The following ZNF7 variants were observed in gnomAD, a reference collection of about 807,000 sequenced individuals.
The protein encoded by ZNF7 is zinc finger protein 7, also known as C2-H2 type zinc finger protein.
In ZNF7, 10 loss-of-function variants were observed where a neutral mutation model predicts 12.0. That is an observed-to-expected ratio of 0.83 (90% CI 0.51 to 1.42). The LOEUF (loss-of-function observed/expected upper bound fraction) is 1.42, where lower values mean the gene tolerates loss of function less well. Ranked by LOEUF, ZNF7 falls within the 40% of genes most tolerant of loss-of-function variation. ZNF7 has a pLI of 0.00. For synonymous variants in ZNF7, 334 were observed against 295.0 expected (o/e 1.13, Z -1.35); for missense variants, 854 against 837.2 (o/e 1.02, Z -0.25).
In ZNF7 at chr8:144,843,404, A is replaced by C. The variant is rs1830244137; in HGVS notation, c.*236A>C. The C allele has an allele frequency of 2.4e-6, 1 of 417,684 alleles. No homozygotes were observed. Among genetic ancestry groups the C allele is most frequent in the Admixed American group, 4.1e-5 (1 of 24,136 alleles). The allele number at this position is 417,684 out of a possible 1,614,324, so 25.9% of individuals were successfully genotyped here. A position where few individuals can be genotyped will look rare whatever the true frequency, so the allele number is the denominator to read the frequency against. ...GGAGGTTGAGACCATCCTGGGTAAC[A>C]GGTGAAACCCCATCTCTACTAAAAA... On this transcript the variant is annotated 3_prime_UTR_variant, in exon 5 of 5. Coordinates refer to ENST00000532777, the MANE Select transcript of ZNF7 (RefSeq NM_003416.4).
At chr8:144,831,706 C>T (rs1318066435) in intron 3 of ZNF7, among the ~76,000 whole-genome samples, 1 of 64,952 alleles carries the variant, frequency 1.5e-5, no homozygotes, top group African/African-American at 4.0e-5. Context: ...TCGCTTGAAC[C>T]CTGGAGGCGG....
chr8:144,829,239 C>A, intron 2 of ZNF7, 149 bp downstream of exon 2: 2 of 1,546,466 alleles, frequency 1.3e-6, no homozygotes, highest in Non-Finnish European at 1.7e-6. Flanking sequence ...AGTGAGCAAA[C>A]CCCTGCCCAA....
downstream of ZNF7, chr8:144,846,605 A>T (rs1270323220): frequency 1.2e-5 from 2 of 169,790 alleles, no homozygotes; most frequent in African/African-American, 4.8e-5. Flanking sequence ...ATGTCACGGT[A>T]CAACTGAGAA....
chr8:144,842,977 C>T lies in ZNF7; in HGVS notation c.1870C>T (p.Arg624Cys), dbSNP rs138064022. ...NALEGSTFVS[R>C]KKVNTIKKLH... is the part of the protein sequence containing the mutation. ...CCTGGAAGGGTCCACCTTTGTGAGC[C>T]GTAAAAAGGTTAATACTATAAAGAA... Residue 624 changes from arginine to cysteine, a missense_variant, in exon 5 of 5, where the codon CGT becomes TGT. Arg to Cys is a radical substitution (Grantham distance 180). Transcript: ENST00000532777. 7.6e-5 allele frequency: 122 copies of T among 1,613,948 alleles called. No individual in the cohort carries two copies. Among genetic ancestry groups the T allele is most frequent in the Admixed American group, 1.2e-4 (7 of 59,992 alleles).
At chr8:144,838,353 C>G in intron 4 of ZNF7, 1 of 567,628 alleles carries the variant, frequency 1.8e-6, no homozygotes, top group South Asian at 2.2e-5. Flanking sequence ...GGACTTCAGC[C>G]TATCTTGGGG....
chr8:144,837,141 C>T, intron 3 of ZNF7: 1 of 341,398 alleles, frequency 2.9e-6, no homozygotes, highest in Non-Finnish European at 5.4e-6. Context: ...TGTTTGGTGA[C>T]AGGGTCGCCT....
chr8:144,843,743 A>C lies in ZNF7; in HGVS notation c.*575A>C, dbSNP rs1355556605. 2 of 149,546 alleles carry C rather than the reference A, an allele frequency of 1.3e-5. No homozygotes were observed. Among genetic ancestry groups the C allele is most frequent in the African/African-American group, 4.8e-5 (2 of 41,314 alleles). The allele number at this position is 149,546 out of a possible 1,614,324, so 9.3% of individuals were successfully genotyped here. On this transcript the variant is annotated 3_prime_UTR_variant, in exon 5 of 5. Coordinates refer to ENST00000532777, the MANE Select transcript of ZNF7 (RefSeq NM_003416.4). ...GACAGGTCCCTGTGAATGAGGAAGC[A>C]GCACAAGGAGGGCTCTACGAGCGCT...
chr8:144,839,321 C>G (rs1041714328), intron 4 of ZNF7, among the ~76,000 whole-genome samples: 2 of 152,268 alleles, frequency 1.3e-5, no homozygotes, highest in Non-Finnish European at 2.9e-5. Context: ...AGGAAGTCTG[C>G]ATGTGATGTG....
rs1345955700 is a variant in ZNF7, at chr8:144,842,195, C to T, written c.1088C>T (p.Pro363Leu). ...ACTCACACTGGGGAGAGGCCCTACC[C>T]TTGCAAGGAGTGTGGGAAGGCCTTC... The part of the protein sequence containing the change: ...QRTHTGERPY[P>L]CKECGKAFSQ... The change falls in exon 5 of 5, where the codon CCT becomes CTT. Residue 363 changes from proline (P) to leucine (L), a missense_variant. By Grantham distance (98) the Pro-to-Leu change is moderately conservative. Coordinates refer to ENST00000532777, the MANE Select transcript of ZNF7 (RefSeq NM_003416.4). 4.3e-6 allele frequency: 7 copies of T among 1,613,364 alleles called. No individual in the cohort carries two copies. The highest frequency in any genetic ancestry group is 5.9e-6 in the Non-Finnish European group (7 of 1,179,830).
intron 3 of ZNF7, among the ~76,000 whole-genome samples, chr8:144,832,598 G>C (rs2130567832): frequency 6.6e-6 from 1 of 151,410 alleles, no homozygotes; most frequent in Admixed American, 6.6e-5. Flanking sequence ...CGTGGTGGCG[G>C]GTGGTTGTAA....
downstream of ZNF7, chr8:144,846,463 T>C (rs1830516277): frequency 3.1e-6 from 1 of 321,844 alleles, no homozygotes; most frequent in Non-Finnish European, 5.8e-6. Context: ...TCATGGAGCC[T>C]CTGGCGGCTT....
chr8:144,838,415 G>A, intron 4 of ZNF7: 1 of 442,362 alleles, frequency 2.3e-6, no homozygotes, highest in Non-Finnish European at 4.1e-6. Flanking sequence ...CTCCTGCTGG[G>A]CAGGCGCCCG....
At chr8:144,835,488 C>T (rs982176306) in intron 3 of ZNF7, 1 of 152,186 alleles carries the variant, frequency 6.6e-6, no homozygotes, top group African/African-American at 2.4e-5. Context: ...GCAGGAGACA[C>T]CTTGCCTGGC....
In ZNF7 at chr8:144,837,391, C is replaced by G; in HGVS notation, c.131C>G (p.Ala44Gly). 1.2e-6 allele frequency: 2 copies of G among 1,606,912 alleles called. No homozygotes were observed. Among genetic ancestry groups the G allele is most frequent in the Non-Finnish European group, 8.5e-7 (1 of 1,174,294 alleles). Residue 44 changes from alanine (A) to glycine (G), a missense_variant and splice_region_variant, in exon 4 of 5, where the codon GCA becomes GGA. Transcript: ENST00000532777. ...GTTGTCTTCTCTGCCGCACACACAGCAGGATTCCTGGTTTTCAAGCCTGAG... is the reference window on the plus strand; with the variant it reads ...GTTGTCTTCTCTGCCGCACACACAGGAGGATTCCTGGTTTTCAAGCCTGAG... ...LENHSSVAGL[A>G]GFLVFKPELI... is the part of the protein sequence containing the mutation.
In ZNF7 at chr8:144,843,364, C is replaced by T. The variant is rs1166750988; in HGVS notation, c.*196C>T. ...CAGCACTTTGGGAGGCCAAGGCGGG[C>T]ACATCACGAGGTCAGGAGGTTGAGA... On this transcript the variant is annotated 3_prime_UTR_variant, in exon 5 of 5. Transcript: ENST00000532777. 3.9e-5 allele frequency: 23 copies of T among 586,206 alleles called. No individual in the cohort carries two copies. Among genetic ancestry groups the T allele is most frequent in the Non-Finnish European group, 5.3e-5 (19 of 360,426 alleles). 36.3% of individuals were successfully genotyped at this position (586,206 alleles called of 1,614,324 possible).
At chr8:144,831,842 TTTTG>T (rs1828495686) in intron 3 of ZNF7, among the ~76,000 whole-genome samples, 1 of 99,660 alleles carries the variant, frequency 1.0e-5, no homozygotes, top group Non-Finnish European at 2.5e-5. Context: ...ACCAGGTTAG[TTTTG>T]TTTATTATAA....
At chr8:144,829,324 G>T in intron 2 of ZNF7, 154 bp from the exon 3 acceptor site, 1 of 1,538,922 alleles carries the variant, frequency 6.5e-7, no homozygotes, top group South Asian at 1.2e-5. Context: ...CCTCCTCCCC[G>T]AGACTGCCCC....
intron 3 of ZNF7, among the ~76,000 whole-genome samples, chr8:144,832,531 C>T (rs535540775): frequency 4.4e-4 from 67 of 152,134 alleles, no homozygotes; most frequent in African/African-American, 1.6e-3. Flanking sequence ...AGTTTGAGAC[C>T]AGCCTGACCA....
intron 3 of ZNF7, chr8:144,835,565 C>G (rs1255621085): frequency 6.6e-6 from 1 of 152,124 alleles, no homozygotes; most frequent in Non-Finnish European, 1.5e-5. Flanking sequence ...TTGGCAGCAT[C>G]TTCTCACTAA....
Sources: gnomAD v4.1 joint callset for allele counts (sites outside exome capture counted in the v4.1 genomes callset) on GRCh38, gnomAD v4.1.1 for gene constraint, MANE v1.5 for transcripts, NCBI Gene and HGNC (gene_info 2026-07-23, HGNC 2026-07-21) for gene names.